The following GRM5 variants were observed in gnomAD, a reference collection of about 807,000 sequenced individuals.
GRM5 encodes the protein metabotropic glutamate receptor 5.
Under a neutral mutation model 83.1 loss-of-function variants are expected in GRM5, and 19 were observed. The ratio of observed to expected loss-of-function variants is 0.23; its 90% CI spans 0.16 to 0.34. The LOEUF (loss-of-function observed/expected upper bound fraction) is 0.34, where lower values mean the gene tolerates loss of function less well. Among genes scored for constraint, GRM5 ranks in the 10% least tolerant of loss-of-function variants. GRM5 has a pLI of 1.00. For missense variants in GRM5, 1,160 were observed against 1,588.3 expected (o/e 0.73, Z 4.58); for synonymous variants, 675 against 633.6 (o/e 1.07, Z -0.98).
intron 3 of GRM5, among the ~76,000 whole-genome samples, chr11:88,754,962 A>T (rs1423398576): frequency 6.6e-6 from 1 of 151,586 alleles, no homozygotes; most frequent in Non-Finnish European, 1.5e-5. Flanking sequence ...ACAATTTTAC[A>T]ACACTTCTGT....
At chr11:88,535,050 A>C (rs1360023136) in intron 8 of GRM5, among the ~76,000 whole-genome samples, 2 of 152,200 alleles carry the variant, frequency 1.3e-5, no homozygotes, top group Non-Finnish European at 2.9e-5. Flanking sequence ...AAATCCAATT[A>C]AACCTCTTTC....
intron 4 of GRM5, among the ~76,000 whole-genome samples, chr11:88,618,770 T>A (rs1018904256): frequency 3.3e-5 from 5 of 152,206 alleles, no homozygotes; most frequent in Non-Finnish European, 7.3e-5. Context: ...ATGGTAGGCA[T>A]GTTAATTAGT....
chr11:88,955,941 A>C (rs1937322248), intron 2 of GRM5, among the ~76,000 whole-genome samples: 1 of 152,236 alleles, frequency 6.6e-6, no homozygotes, highest in Admixed American at 6.5e-5. Flanking sequence ...ATCTCTTTAA[A>C]GTTCCTATAA....
chr11:88,916,311 C>T (rs1945591501), intron 2 of GRM5, among the ~76,000 whole-genome samples: 1 of 152,242 alleles, frequency 6.6e-6, no homozygotes, highest in Admixed American at 6.5e-5. Context: ...CCCCATCCCC[C>T]AGTTCATCAC....
intron 2 of GRM5, among the ~76,000 whole-genome samples, chr11:88,990,001 T>C (rs369681566): frequency 2.0e-5 from 3 of 151,282 alleles, no homozygotes; most frequent in African/African-American, 4.9e-5. Context: ...AGGCAAGAAA[T>C]AATTAAAATC....
At chr11:88,992,661 T>C (rs1272743853) in intron 2 of GRM5, among the ~76,000 whole-genome samples, 10 of 151,486 alleles carry the variant, frequency 6.6e-5, no homozygotes, top group Admixed American at 1.3e-4. Context: ...ATGTGTCACA[T>C]ATACACCATG....
In GRM5 at chr11:88,619,564, G is replaced by A. The variant is rs181920811; in HGVS notation, c.1148-14600C>T. Among the ~76,000 whole-genome samples the A allele has an allele frequency of 9.3e-4, 141 of 152,256 alleles. 2 individuals are homozygous for A. Among genetic ancestry groups the A allele is most frequent in the East Asian group, 8.3e-3 (43 of 5,192 alleles). On this transcript the variant is annotated intron_variant, in intron 4 of 9. Coordinates refer to ENST00000305447, the MANE Select transcript of GRM5 (RefSeq NM_001143831.3). The stretch of plus-strand genomic sequence containing the variant: ...CCTAAAGTCATACCTCTAGTTAGTA[G>A]CAGCTAGCCTCAGAATACTTGCCTC...
chr11:88,761,768 A>G (rs1470227439), intron 3 of GRM5, among the ~76,000 whole-genome samples: 2 of 152,126 alleles, frequency 1.3e-5, no homozygotes, highest in Non-Finnish European at 2.9e-5. Flanking sequence ...CAAAAGGAAC[A>G]AAGCCAGAGA....
chr11:88,839,751 A>G (rs575730975), intron 3 of GRM5, among the ~76,000 whole-genome samples: 1 of 152,360 alleles, frequency 6.6e-6, no homozygotes, highest in Non-Finnish European at 1.5e-5. Flanking sequence ...ATATCTATAT[A>G]TAACTTTTGA....
At chr11:88,956,047 T>C (rs555954027) in intron 2 of GRM5, among the ~76,000 whole-genome samples, 1 of 152,346 alleles carries the variant, frequency 6.6e-6, no homozygotes, top group East Asian at 1.9e-4. Context: ...TCAGATCAGC[T>C]TCACAAAACA....
chr11:88,827,989 G>A (rs1458803857), intron 3 of GRM5, among the ~76,000 whole-genome samples: 2 of 152,166 alleles, frequency 1.3e-5, no homozygotes, highest in African/African-American at 4.8e-5. Context: ...ATGTTTCAGT[G>A]AGAAGGTAAC....
At chr11:89,053,517 G>T (rs774062396) in intron 1 of GRM5, among the ~76,000 whole-genome samples, 4 of 152,048 alleles carry the variant, frequency 2.6e-5, no homozygotes, top group African/African-American at 4.8e-5. Context: ...TTCTATAAAT[G>T]TTTATTCAGT....
chr11:89,005,671 TATCTG>T (rs1940503435), intron 2 of GRM5, among the ~76,000 whole-genome samples: 1 of 152,218 alleles, frequency 6.6e-6, no homozygotes, highest in Admixed American at 6.5e-5. Context: ...TAAGTATTTA[TATCTG>T]TGCCTGGCAT....
chr11:88,839,484 T>A (rs532596673), intron 3 of GRM5, among the ~76,000 whole-genome samples: 2 of 152,326 alleles, frequency 1.3e-5, no homozygotes, highest in South Asian at 4.1e-4. Flanking sequence ...TAAAACATTG[T>A]GATGCCATTT....
chr11:88,747,223 C>G (rs892348127), intron 3 of GRM5, among the ~76,000 whole-genome samples: 10 of 152,136 alleles, frequency 6.6e-5, no homozygotes, highest in Non-Finnish European at 1.0e-4. Context: ...GCTCATTTTT[C>G]CACAAACTCT....
At chr11:88,651,023 A>G (rs964440186) in intron 4 of GRM5, among the ~76,000 whole-genome samples, 3 of 151,710 alleles carry the variant, frequency 2.0e-5, no homozygotes, top group Non-Finnish European at 4.4e-5. Flanking sequence ...AAGGGGGGGG[A>G]TGGACTAAGT....
rs138694706 is a variant in GRM5 at position 88,643,330 on chromosome 11, T to C, written c.1147+9838A>G. On this transcript the variant is annotated intron_variant, in intron 4 of 9. Coordinates refer to ENST00000305447, the MANE Select transcript of GRM5 (RefSeq NM_001143831.3). ...TATTGCAAGAACAGTCTCAAGGGGA[T>C]GGTGCTAAACTGTTCATTAGAACAT... is the stretch of plus-strand genomic sequence containing the variant. 5.2e-3 allele frequency among the ~76,000 whole-genome samples: 794 copies of C among 152,238 alleles called. 6 individuals are homozygous for C. Among genetic ancestry groups the C allele is most frequent in the South Asian group, 0.021 (102 of 4,826 alleles).
At chr11:88,509,628 AAC>A in intron 9 of GRM5, 124 bp from the exon 10 acceptor site, 2 of 653,442 alleles carry the variant, frequency 3.1e-6, no homozygotes, top group South Asian at 3.7e-5. Flanking sequence ...TCTTTCAGGA[AAC>A]ACAGCATCAA....
intron 5 of GRM5, among the ~76,000 whole-genome samples, chr11:88,602,475 AC>A (rs1938026282): frequency 6.6e-6 from 1 of 152,162 alleles, no homozygotes; most frequent in East Asian, 1.9e-4. Context: ...AGGATCCTCC[AC>A]TTTTAACTCT....
Sources: gnomAD v4.1 joint callset for allele counts (sites outside exome capture counted in the v4.1 genomes callset) on GRCh38, gnomAD v4.1.1 for gene constraint, MANE v1.5 for transcripts, NCBI Gene and HGNC (gene_info 2026-07-23, HGNC 2026-07-21) for gene names.